Variants in CRTAC1 observed in about 807,000 individuals in gnomAD.
The protein encoded by CRTAC1 is acidic secreted protein in cartilage.
A neutral mutation model predicts 67.8 loss-of-function variants in CRTAC1; 37 were observed. The observed-to-expected ratio is 0.55, with a 90% confidence interval of 0.42 to 0.72. The LOEUF is 0.72. CRTAC1 is among the 30% of genes least tolerant of loss of function. CRTAC1 has a pLI of 0.00. For missense variants in CRTAC1, 780 were observed against 931.6 expected (o/e 0.84, Z 2.12); for synonymous variants, 348 against 371.0 (o/e 0.94, Z 0.71).
chr10:97,991,099 C>CAAAAAAAAAAAAAA (rs757267901), intron 2 of CRTAC1, among the ~76,000 whole-genome samples: 10 of 17,968 alleles, frequency 5.6e-4, no homozygotes, highest in South Asian at 2.7e-3. Context: ...ACCATCTCTA[C>CAAAAAAAAAAAAAA]AAAAAAAAAA....
At chr10:97,914,241 G>C (rs1279078586) in intron 5 of CRTAC1, among the ~76,000 whole-genome samples, 1 of 152,196 alleles carries the variant, frequency 6.6e-6, no homozygotes, top group Non-Finnish European at 1.5e-5. Flanking sequence ...CACAGAGAAT[G>C]TTTCCCAGGC....
At chr10:97,896,830 CCGTCCCT>C in intron 9 of CRTAC1, 72 bp downstream of exon 9, 1 of 601,792 alleles carries the variant, frequency 1.7e-6, no homozygotes, top group Non-Finnish European at 3.0e-6. Flanking sequence ...ACTGGCTGCC[CCGTCCCT>C]CCCGCCCTCA....
At chr10:97,944,714 T>C (rs2051237341) in intron 2 of CRTAC1, among the ~76,000 whole-genome samples, 1 of 152,224 alleles carries the variant, frequency 6.6e-6, no homozygotes, top group Admixed American at 6.5e-5. Context: ...GAAGTGATGT[T>C]GGAGCAGTTC....
At chr10:97,900,419 A>G (rs188967026) in intron 8 of CRTAC1, among the ~76,000 whole-genome samples, 2 of 152,346 alleles carry the variant, frequency 1.3e-5, no homozygotes, top group African/African-American at 4.8e-5. Flanking sequence ...GTCCTGCAGT[A>G]AATAAACCTG....
At position 97,928,665 on chromosome 10, in the gene CRTAC1, C is replaced by T. The variant is rs576393141; in HGVS notation, c.422-5265G>A. ...TGCCTTGAAATCAGGATGGAAGAGT[C>T]GCTGTGATCAGGGAGGGCTTCATGA... On this transcript the variant is annotated intron_variant, in intron 3 of 14. Transcript: ENST00000370597. Among the ~76,000 whole-genome samples, 25 of 152,166 alleles carry T rather than the reference C, an allele frequency of 1.6e-4. No individual in the cohort carries two copies. The South Asian group carries it at 4.4e-3, about 27-fold the overall frequency.
intron 2 of CRTAC1, among the ~76,000 whole-genome samples, chr10:98,000,620 G>T (rs1295639908): frequency 6.6e-6 from 1 of 152,218 alleles, no homozygotes; most frequent in South Asian, 2.1e-4. Flanking sequence ...CGAGTGGGCG[G>T]AGCGAGCCCA....
chr10:98,008,406 A>C (rs1401034790), intron 2 of CRTAC1, among the ~76,000 whole-genome samples: 1 of 131,884 alleles, frequency 7.6e-6, no homozygotes, highest in Non-Finnish European at 1.6e-5. Flanking sequence ...ATGGGAAAAG[A>C]GTACAAAAGA....
intron 2 of CRTAC1, among the ~76,000 whole-genome samples, chr10:97,999,644 C>G (rs1842649641): frequency 6.6e-6 from 1 of 152,224 alleles, no homozygotes; most frequent in Non-Finnish European, 1.5e-5. Context: ...CATTTAGGCC[C>G]TACCTTTAGG....
chr10:97,960,623 G>A (rs761488824), intron 2 of CRTAC1, among the ~76,000 whole-genome samples: 4 of 152,174 alleles, frequency 2.6e-5, no homozygotes, highest in Non-Finnish European at 5.9e-5. Flanking sequence ...TTAGCTGAGT[G>A]ATTAATAAAA....
chr10:98,018,501 C>T (rs1417199736), intron 1 of CRTAC1, among the ~76,000 whole-genome samples: 2 of 152,130 alleles, frequency 1.3e-5, no homozygotes, highest in African/African-American at 4.8e-5. Context: ...AGTCTTTAGA[C>T]ATTAATTGTG....
intron 2 of CRTAC1, among the ~76,000 whole-genome samples, chr10:97,993,299 A>G (rs1168928880): frequency 6.6e-6 from 1 of 152,246 alleles, no homozygotes; most frequent in Non-Finnish European, 1.5e-5. Flanking sequence ...GCAGTTTTTC[A>G]TCATAGAAAA....
At position 97,879,596 on chromosome 10, in the gene CRTAC1, T is replaced by TGGAGAGAGAGACAAGCAGCA. The variant is rs2050184938; in HGVS notation, c.1819+633_1819+652dup. 2.7e-6 allele frequency: 4 copies of TGGAGAGAGAGACAAGCAGCA among 1,475,614 alleles called. No homozygotes were observed. In the Admixed American group the frequency reaches 9.5e-5, roughly 35 times the overall value. The allele number at this position is 1,475,614 out of a possible 1,614,324, so 91.4% of individuals were successfully genotyped here. On this transcript the variant is annotated intron_variant, in intron 14 of 14. Coordinates refer to ENST00000370597, the MANE Select transcript of CRTAC1 (RefSeq NM_018058.7). ...AGCACACAGCAGAACCTACTGGGCG[T>TGGAGAGAGAGACAAGCAGCA]GGAGAGAGAGACAAGCAGCAGGAGA...
At chr10:97,958,994 G>A (rs548995064) in intron 2 of CRTAC1, among the ~76,000 whole-genome samples, 30 of 152,180 alleles carry the variant, frequency 2.0e-4, no homozygotes, top group Admixed American at 2.6e-4. Context: ...AGCGCTACCC[G>A]TTCAGGTGTC....
chr10:97,908,330 G>A (rs2050643597), intron 5 of CRTAC1, among the ~76,000 whole-genome samples, 183 bp from the exon 6 acceptor site: 1 of 152,172 alleles, frequency 6.6e-6, no homozygotes, highest in Non-Finnish European at 1.5e-5. Context: ...ATGAATCTGT[G>A]TGGAAGGTAA....
chr10:97,932,640 C>T (rs2051019774), intron 3 of CRTAC1, among the ~76,000 whole-genome samples: 1 of 151,996 alleles, frequency 6.6e-6, no homozygotes, highest in African/African-American at 2.4e-5. Context: ...GCATTTCAGG[C>T]AGAGGGAACA....
At chr10:97,999,772 CT>C (rs765015441) in intron 2 of CRTAC1, among the ~76,000 whole-genome samples, 15 of 152,192 alleles carry the variant, frequency 9.9e-5, no homozygotes, top group Non-Finnish European at 2.1e-4. Context: ...CGTGCACTTC[CT>C]CCTCTCTGAG....
At chr10:97,978,975 T>A (rs1284886187) in intron 2 of CRTAC1, among the ~76,000 whole-genome samples, 1 of 152,120 alleles carries the variant, frequency 6.6e-6, no homozygotes, top group Non-Finnish European at 1.5e-5. Context: ...CACACTGCTG[T>A]CTGGAATTGT....
intron 11 of CRTAC1, among the ~76,000 whole-genome samples, chr10:97,894,178 C>A (rs2050417448): frequency 6.6e-6 from 1 of 152,214 alleles, no homozygotes. Context: ...TTAAAATAAA[C>A]TGTCAAACGA....
Position 97,896,971 on chromosome 10 carries a change from C to T in CRTAC1, c.1154G>A (p.Gly385Glu). The T allele has an allele frequency of 6.4e-7, 1 of 1,559,630 alleles. No homozygotes were observed. The highest frequency in any genetic ancestry group is 8.7e-7 in the Non-Finnish European group (1 of 1,151,022). Residue 385 changes from glycine (G) to glutamate (E), a missense_variant, in exon 9 of 15, where the codon GGA (glycine) becomes GAA (glutamate). Physicochemically the swap from Gly to Glu is moderately conservative, Grantham distance 98. Transcript: ENST00000370597. ...RLFRVIRREH[G>E]DPLIEELNPG... is the part of the protein sequence containing the mutation. ...ATTGAGCTCCTCGATGAGGGGGTCT[C>T]CGTGCTCTCTACGGATGACGCTGCA... is the stretch of plus-strand genomic sequence containing the variant.
Sources: allele counts gnomAD v4.1 joint callset (sites outside exome capture counted in the v4.1 genomes callset), GRCh38; gene constraint gnomAD v4.1.1; transcripts MANE v1.5; gene names NCBI Gene and HGNC (gene_info 2026-07-23, HGNC 2026-07-21).